Variants in NOP14 observed in about 807,000 individuals in gnomAD.
NOP14 encodes the protein NOP14 nucleolar protein.
Under a neutral mutation model 101.6 loss-of-function variants are expected in NOP14, and 57 were observed. The ratio of observed to expected loss-of-function variants is 0.56; its 90% CI spans 0.45 to 0.70. The LOEUF (loss-of-function observed/expected upper bound fraction) is 0.70. Ranked by LOEUF, NOP14 falls within the 30% of genes least tolerant of loss-of-function variation. The pLI is 0.00. For synonymous variants in NOP14, 428 were observed against 424.0 expected, an observed-to-expected ratio of 1.01 and a Z score of -0.12; for missense variants, 1,134 against 1,075.5, an observed-to-expected ratio of 1.05 and a Z score of -0.76.
rs112918544 is a variant in NOP14 at position 2,938,282 on chromosome 4, G to A, written c.*549C>T. 43 of 1,225,968 alleles carry A rather than the reference G, an allele frequency of 3.5e-5. No individual in the cohort carries two copies. Among genetic ancestry groups the A allele is most frequent in the Middle Eastern group, 4.5e-4 (2 of 4,438 alleles). 75.9% of individuals were successfully genotyped at this position (1,225,968 alleles called of 1,614,324 possible). A position where few individuals can be genotyped will look rare whatever the true frequency, so the allele number is the denominator to read the frequency against. On this transcript the variant is annotated 3_prime_UTR_variant, in exon 18 of 18. Coordinates refer to ENST00000416614, the MANE Select transcript of NOP14 (RefSeq NM_001291978.2). ...GCTGTGGCTCACACCTATAATTGGG[G>A]GGCCAAGGCAGGTGGATTACCTGAG...
In NOP14 at chr4:2,956,698, G is replaced by C; in HGVS notation, c.444C>G (p.Ser148Arg). 6.2e-7 allele frequency: 1 copy of C among 1,612,820 alleles called. No individual in the cohort carries two copies. The highest frequency in any genetic ancestry group is 8.5e-7 in the Non-Finnish European group (1 of 1,179,676). ...ACAACGTTCCTCGATCCTCAGCATC[G>C]CTGTCACTGTCCACAATGTCATTAT... ...EKHNDIVDSD[S>R]DAEDRGTLSA... The change falls in exon 3 of 18, where the codon AGC becomes AGG. Residue 148 changes from serine to arginine, a missense_variant. Transcript: ENST00000416614.
intron 17 of NOP14, 34 bp from the exon 18 acceptor site, chr4:2,938,964 G>A (rs1356194013): frequency 6.3e-7 from 1 of 1,591,808 alleles, no homozygotes; most frequent in Non-Finnish European, 8.6e-7. Flanking sequence ...CCCATTTTTG[G>A]ATTAGTTCTT....
chr4:2,939,170 C>T lies in NOP14; in HGVS notation c.2474+18G>A. The T allele has an allele frequency of 6.2e-7, 1 of 1,613,652 alleles. No individual in the cohort carries two copies. The highest frequency in any genetic ancestry group is 1.7e-4 in the Middle Eastern group (1 of 6,052). On this transcript the variant is annotated intron_variant, in intron 17 of 17. Coordinates refer to ENST00000416614, the MANE Select transcript of NOP14 (RefSeq NM_001291978.2). ...TGAGTGACACCACAATCGTGTCGCA[C>T]ACACACGTCCCCCTCACCGTTCCAT... is the stretch of plus-strand genomic sequence containing the variant.
intron 15 of NOP14, 35 bp from the exon 16 acceptor site, chr4:2,939,680 T>C: frequency 2.0e-6 from 3 of 1,512,942 alleles, no homozygotes; most frequent in Non-Finnish European, 2.8e-6. Flanking sequence ...CTGCGATGAC[T>C]CACCTGCTGC....
chr4:2,948,513 G>T, intron 8 of NOP14, 105 bp from the exon 9 acceptor site: 2 of 873,996 alleles, frequency 2.3e-6, no homozygotes, highest in South Asian at 2.1e-5. Flanking sequence ...GGAGTGCAGT[G>T]GTGCAATCTC....
chr4:2,953,386 G>T, intron 5 of NOP14, 125 bp downstream of exon 5: 1 of 999,252 alleles, frequency 1.0e-6, no homozygotes. Context: ...CAGTATCAAT[G>T]TTCAACAGAA....
intron 16 of NOP14, 50 bp downstream of exon 16, chr4:2,939,477 C>T (rs373604661): frequency 5.6e-6 from 9 of 1,596,740 alleles, no homozygotes; most frequent in Non-Finnish European, 7.7e-6. Flanking sequence ...CCGTCAGCTC[C>T]CACTGAGCCC....
At chr4:2,956,834 T>C in intron 2 of NOP14, 23 bp from the exon 3 acceptor site, 1 of 1,566,312 alleles carries the variant, frequency 6.4e-7, no homozygotes. Flanking sequence ...AAAAAAAGTT[T>C]CCTAAAATTA....
intron 7 of NOP14, chr4:2,950,881 A>AGAGAGAGTGAGAAAGAGAGCGT: frequency 2.4e-6 from 1 of 422,020 alleles, no homozygotes; most frequent in East Asian, 4.1e-5. Flanking sequence ...TGAGACAGAG[A>AGAGAGAGTGAGAAAGAGAGCGT]GAGAGAGTGA....
At chr4:2,952,482 A>T (rs1715094830) in intron 5 of NOP14, 85 bp from the exon 6 acceptor site, 1 of 1,212,364 alleles carries the variant, frequency 8.2e-7, no homozygotes, top group African/African-American at 1.5e-5. Context: ...TTCCTGGCAC[A>T]TTCTAGTAAT....
In NOP14 at chr4:2,956,772, C is replaced by T. The variant is rs1560307401; in HGVS notation, c.370G>A (p.Asp124Asn). The change falls in exon 3 of 18, where the codon GAT becomes AAT. Residue 124 changes from aspartate (D) to asparagine (N), a missense_variant. By Grantham distance (23) the Asp-to-Asn change is conservative. Coordinates refer to ENST00000416614, the MANE Select transcript of NOP14 (RefSeq NM_001291978.2). ...TGGCCATAATGAGTCAATTCTTCAT[C>T]TTCATTTAGATTGTAGATGCTTTTT... ...EKKSIYNLNE[D>N]EELTHYGQSL... The T allele has an allele frequency of 1.2e-6, 2 of 1,612,272 alleles. No homozygotes were observed.
chr4:2,941,754 G>T (rs1487608285), intron 14 of NOP14, 25 bp from the exon 15 acceptor site: 2 of 1,605,654 alleles, frequency 1.2e-6, no homozygotes, highest in African/African-American at 2.7e-5. Context: ...GGCAAGAGGA[G>T]GTCCAACTTG....
chr4:2,962,145 C>G (rs1418799132), intron 1 of NOP14, among the ~76,000 whole-genome samples: 1 of 152,218 alleles, frequency 6.6e-6, no homozygotes, highest in Non-Finnish European at 1.5e-5. Flanking sequence ...TATGTGCTAT[C>G]TTACTTAATT....
In NOP14 at chr4:2,949,990, CT is replaced by C; in HGVS notation, c.1225del (p.Ser409AlafsTer27). 6.2e-7 allele frequency: 1 copy of C among 1,614,168 alleles called. No individual in the cohort carries two copies. The highest frequency in any genetic ancestry group is 8.5e-7 in the Non-Finnish European group (1 of 1,180,022). On this transcript the variant is annotated frameshift_variant, in exon 8 of 18. Transcript: ENST00000416614. LOFTEE classifies it high-confidence loss of function. ...QRQTPGKGLISGKERAGKATR... is the reference protein window; with the variant it reads ...QRQTPGKGLIXGKERAGKATR... ...AGCTTTTCCAGCTCTTTCCTTGCCG[CT>C]TATCAACCCTTTCCCAGGAGTCTGC...
At chr4:2,942,863 G>C (rs889779698) in intron 13 of NOP14, among the ~76,000 whole-genome samples, 1 of 152,102 alleles carries the variant, frequency 6.6e-6, no homozygotes, top group African/African-American at 2.4e-5. Context: ...CAATTCACTC[G>C]CCACGGAGAA....
At chr4:2,961,090 A>C (rs56163857) in intron 1 of NOP14, among the ~76,000 whole-genome samples, 1 of 37,924 alleles carries the variant, frequency 2.6e-5, no homozygotes, top group Non-Finnish European at 4.7e-5. Context: ...TAATATTATA[A>C]TAATATATTA....
rs1251971747 is a variant in NOP14 at position 2,963,227 on chromosome 4, C to A, written c.93G>T (p.Pro31=). 2.5e-6 allele frequency: 4 copies of A among 1,588,852 alleles called. No individual in the cohort carries two copies. The highest frequency in any genetic ancestry group is 1.4e-5 in the African/African-American group (1 of 71,776). Residue 31 remains proline, a synonymous_variant, in exon 1 of 18, where the codon CCG becomes CCT. Transcript: ENST00000416614. The part of the protein sequence containing the change: ...RGGPAKANSN[P]FEVKVNRQKF... ...TCTGCCTGTTAACTTTCACCTCGAACGGATTGGAGTTGGCCTTCGCCGGGC... is the reference window on the plus strand; with the variant it reads ...TCTGCCTGTTAACTTTCACCTCGAAAGGATTGGAGTTGGCCTTCGCCGGGC...
Position 2,963,253 on chromosome 4 carries a change from CCCCTCGCGCTCCCG to C in NOP14, c.53_66del (p.Ala18GlyfsTer15). The stretch of plus-strand genomic sequence containing the variant: ...GGATTGGAGTTGGCCTTCGCCGGGC[CCCCTCGCGCTCCCG>C]CCGGCGCCCCGGAGGCCTTCCTTCG... On this transcript the variant is annotated frameshift_variant, in exon 1 of 18. Transcript: ENST00000416614. LOFTEE classifies it high-confidence loss of function. The C allele has an allele frequency of 6.3e-7, 1 of 1,591,230 alleles. No individual in the cohort carries two copies. The highest frequency in any genetic ancestry group is 8.5e-7 in the Non-Finnish European group (1 of 1,171,388).
intron 1 of NOP14, among the ~76,000 whole-genome samples, chr4:2,961,924 G>A (rs1439621563): frequency 8.5e-5 from 13 of 152,204 alleles, no homozygotes; most frequent in Admixed American, 8.5e-4. Context: ...CTCAATACCA[G>A]AAGTTTGAGC....
Sources: allele counts gnomAD v4.1 joint callset (sites outside exome capture counted in the v4.1 genomes callset), GRCh38; gene constraint gnomAD v4.1.1; transcripts MANE v1.5; gene names NCBI Gene and HGNC (gene_info 2026-07-23, HGNC 2026-07-21).